ASIC2: variants seen among roughly 807,000 people sequenced by gnomAD.
ASIC2 encodes acid sensing ion channel subunit 2, also known as acid-sensing ion channel 2.
Under a neutral mutation model 57.3 loss-of-function variants are expected in ASIC2, and 25 were observed. The ratio of observed to expected loss-of-function variants is 0.44; its 90% CI spans 0.32 to 0.61. The LOEUF is 0.61. ASIC2 is among the 20% of genes least tolerant of loss of function. The pLI, the probability that ASIC2 is intolerant of heterozygous loss-of-function variation, is 0.06. For missense variants in ASIC2, 641 were observed against 738.1 expected, an observed-to-expected ratio of 0.87 and a Z score of 1.52; for synonymous variants, 319 against 307.5, an observed-to-expected ratio of 1.04 and a Z score of -0.39.
At chr17:33,338,615 G>T (rs1210968068) in intron 1 of ASIC2, among the ~76,000 whole-genome samples, 1 of 152,154 alleles carries the variant, frequency 6.6e-6, no homozygotes, top group Non-Finnish European at 1.5e-5. Context: ...AGAGCTGATA[G>T]CAGGACAAAA....
intron 8 of ASIC2, among the ~76,000 whole-genome samples, chr17:33,016,638 C>T (rs989117833): frequency 1.3e-5 from 2 of 152,112 alleles, no homozygotes; most frequent in Admixed American, 1.3e-4. Context: ...TGCTGAGACG[C>T]ATGAGATTCT....
At chr17:33,112,380 C>T (rs1196030803) in intron 1 of ASIC2, among the ~76,000 whole-genome samples, 1 of 152,150 alleles carries the variant, frequency 6.6e-6, no homozygotes, top group Admixed American at 6.5e-5. Context: ...TCTGTAAACT[C>T]CTGACCCTTC....
At position 33,797,627 on chromosome 17, in the gene ASIC2, G is replaced by T. The variant is rs552405236; in HGVS notation, c.555+358351C>A. Among the ~76,000 whole-genome samples the T allele has an allele frequency of 3.3e-5, 5 of 152,230 alleles. No homozygotes were observed. In the South Asian group the frequency reaches 1.0e-3, roughly 32 times the overall value. On this transcript the variant is annotated intron_variant, in intron 1 of 9. Transcript: ENST00000359872. ...AGCATTATTGATGGGTTCATTCACT[G>T]GTCCAACAGATATTTTATTCTGATA...
At chr17:34,031,647 C>T (rs969134476) in intron 1 of ASIC2, among the ~76,000 whole-genome samples, 12 of 152,012 alleles carry the variant, frequency 7.9e-5, no homozygotes, top group Admixed American at 3.3e-4. Flanking sequence ...CTAGAATAAC[C>T]AATGGAGAAA....
At chr17:34,033,796 C>T (rs1164782128) in intron 1 of ASIC2, among the ~76,000 whole-genome samples, 1 of 152,150 alleles carries the variant, frequency 6.6e-6, no homozygotes, top group African/African-American at 2.4e-5. Context: ...CACATACATC[C>T]TCCCAAGACT....
chr17:33,871,297 T>C (rs977918663), intron 1 of ASIC2, among the ~76,000 whole-genome samples: 5 of 152,144 alleles, frequency 3.3e-5, no homozygotes, highest in African/African-American at 1.2e-4. Flanking sequence ...TTGAAGTCAT[T>C]AAAAGCCCTC....
intron 1 of ASIC2, among the ~76,000 whole-genome samples, chr17:33,331,655 G>T (rs978678238): frequency 6.6e-6 from 1 of 152,186 alleles, no homozygotes; most frequent in Non-Finnish European, 1.5e-5. Context: ...TCACATAATA[G>T]TAAGCCAAAC....
chr17:33,654,342 C>T (rs1458107565), intron 1 of ASIC2, among the ~76,000 whole-genome samples: 1 of 152,210 alleles, frequency 6.6e-6, no homozygotes, highest in East Asian at 1.9e-4. Context: ...TTAACAGAAA[C>T]TCTGAGCAGC....
intron 1 of ASIC2, among the ~76,000 whole-genome samples, chr17:33,789,351 A>ATAAGCACT (rs1472903945): frequency 6.6e-6 from 1 of 152,192 alleles, no homozygotes; most frequent in African/African-American, 2.4e-5. Flanking sequence ...AGACATCCTG[A>ATAAGCACT]TAAGCACTTT....
At chr17:34,123,689 T>C (rs747316036) in intron 1 of ASIC2, among the ~76,000 whole-genome samples, 1 of 152,240 alleles carries the variant, frequency 6.6e-6, no homozygotes, top group Non-Finnish European at 1.5e-5. Context: ...GTCTGTGAAA[T>C]GGAACAATGG....
chr17:33,801,236 C>T (rs1293931856), intron 1 of ASIC2, among the ~76,000 whole-genome samples: 2 of 152,164 alleles, frequency 1.3e-5, no homozygotes, highest in Non-Finnish European at 2.9e-5. Context: ...GAGGGTTCAT[C>T]GTGTGATGGT....
chr17:34,151,101 T>G (rs1459186356), intron 1 of ASIC2, among the ~76,000 whole-genome samples: 1 of 45,942 alleles, frequency 2.2e-5, no homozygotes, highest in African/African-American at 9.0e-5. Flanking sequence ...AGACTCCATC[T>G]CAAGAAAAAA....
chr17:33,873,963 C>T (rs1157969678), intron 1 of ASIC2, among the ~76,000 whole-genome samples: 1 of 152,216 alleles, frequency 6.6e-6, no homozygotes, highest in African/African-American at 2.4e-5. Context: ...CTGCCTGGAA[C>T]CAGTTCTTTC....
chr17:33,425,849 T>C (rs1031175959), intron 1 of ASIC2, among the ~76,000 whole-genome samples: 10 of 152,214 alleles, frequency 6.6e-5, no homozygotes, highest in African/African-American at 2.4e-4. Flanking sequence ...TGTGGGTGAC[T>C]CCCAGGATGT....
chr17:33,462,411 CTA>C, intron 1 of ASIC2, among the ~76,000 whole-genome samples: 1 of 152,104 alleles, frequency 6.6e-6, no homozygotes, highest in East Asian at 1.9e-4. Context: ...TTCCTTGTTC[CTA>C]TGTGGATAAG....
intron 1 of ASIC2, among the ~76,000 whole-genome samples, chr17:33,415,730 A>G (rs1463685364): frequency 6.6e-6 from 1 of 152,206 alleles, no homozygotes; most frequent in Non-Finnish European, 1.5e-5. Flanking sequence ...GAGAGAGATT[A>G]AAAGAATAAG....
intron 1 of ASIC2, chr17:34,069,331 CTTTT>C (rs1266592768): frequency 3.6e-5 from 4 of 110,006 alleles, no homozygotes; most frequent in Admixed American, 1.0e-4. Flanking sequence ...TCCTCTCTTT[CTTTT>C]TCTTTCATTT....
intron 1 of ASIC2, among the ~76,000 whole-genome samples, chr17:33,189,559 T>G (rs1158837895): frequency 6.6e-6 from 1 of 152,060 alleles, no homozygotes; most frequent in Non-Finnish European, 1.5e-5. Context: ...GACCCAACTA[T>G]AGGCAAGATC....
At chr17:33,239,321 C>T (rs1173289225) in intron 1 of ASIC2, among the ~76,000 whole-genome samples, 1 of 152,092 alleles carries the variant, frequency 6.6e-6, no homozygotes, top group Non-Finnish European at 1.5e-5. Context: ...CAAATATGAA[C>T]CCTCTCCTAA....
Sources: allele counts gnomAD v4.1 joint callset (sites outside exome capture counted in the v4.1 genomes callset), GRCh38; gene constraint gnomAD v4.1.1; transcripts MANE v1.5; gene names NCBI Gene and HGNC (gene_info 2026-07-23, HGNC 2026-07-21).